The following PCCA variants were observed in gnomAD, a reference collection of about 807,000 sequenced individuals.
PCCA encodes propionyl-CoA carboxylase subunit alpha.
In PCCA, 74 loss-of-function variants were observed where a neutral mutation model predicts 101.3. The ratio of observed to expected loss-of-function variants is 0.73; its 90% CI spans 0.61 to 0.89. PCCA has a LOEUF of 0.89. PCCA is among the 40% of genes least tolerant of loss of function. PCCA has a pLI of 0.00. For missense variants in PCCA, 891 were observed against 907.0 expected (o/e 0.98, Z 0.23); for synonymous variants, 294 against 313.6 (o/e 0.94, Z 0.66).
intron 19 of PCCA, among the ~76,000 whole-genome samples, chr13:100,390,364 G>T (rs1176985641): frequency 6.6e-6 from 1 of 152,216 alleles, no homozygotes; most frequent in African/African-American, 2.4e-5. Context: ...GAAGGGATCT[G>T]TGAGATACAC....
At chr13:100,510,341 T>C (rs1398871892) in intron 21 of PCCA, among the ~76,000 whole-genome samples, 4 of 152,210 alleles carry the variant, frequency 2.6e-5, no homozygotes, top group African/African-American at 4.8e-5. Context: ...GCAAGCAGTT[T>C]AGAGGTAATG....
intron 19 of PCCA, among the ~76,000 whole-genome samples, chr13:100,414,462 T>C (rs2078231187): frequency 6.6e-6 from 1 of 152,228 alleles, no homozygotes; most frequent in South Asian, 2.1e-4. Flanking sequence ...TGTTACAGTT[T>C]ATACTAAAAC....
intron 16 of PCCA, among the ~76,000 whole-genome samples, chr13:100,314,915 A>C (rs1216492507): frequency 6.6e-6 from 1 of 152,194 alleles, no homozygotes. Flanking sequence ...GATTTGAATA[A>C]GGTCTGGAGA....
chr13:100,127,809 G>A (rs1200162036), intron 4 of PCCA, among the ~76,000 whole-genome samples: 4 of 152,130 alleles, frequency 2.6e-5, no homozygotes, highest in Middle Eastern at 3.2e-3. Context: ...GGAGAATGGC[G>A]TGAACCTGAG....
intron 12 of PCCA, among the ~76,000 whole-genome samples, chr13:100,280,745 G>A (rs1268189793): frequency 6.6e-6 from 1 of 152,042 alleles, no homozygotes; most frequent in Non-Finnish European, 1.5e-5. Context: ...ATATTAAATG[G>A]AAAACTTTAG....
intron 12 of PCCA, among the ~76,000 whole-genome samples, chr13:100,279,657 G>C (rs949219832): frequency 7.2e-5 from 11 of 152,012 alleles, no homozygotes; most frequent in Non-Finnish European, 1.2e-4. Flanking sequence ...TGTTTTTTTA[G>C]TAGAGATGGG....
At chr13:100,114,105 A>G (rs1304955424) in intron 4 of PCCA, among the ~76,000 whole-genome samples, 1 of 152,150 alleles carries the variant, frequency 6.6e-6, no homozygotes, top group African/African-American at 2.4e-5. Context: ...ATCAGTAGGC[A>G]TGGGATCACA....
At position 100,305,340 on chromosome 13, in the gene PCCA, A is replaced by G. The variant is rs546359120; in HGVS notation, c.1285-1852A>G. ...TCTGTAGGTAACACCTTATAGGATG[A>G]TATTATTCAAGGCAACTGAAGTTTT... is the stretch of plus-strand genomic sequence containing the variant. On this transcript the variant is annotated intron_variant, in intron 14 of 23. Coordinates refer to ENST00000376285, the MANE Select transcript of PCCA (RefSeq NM_000282.4). 2.6e-5 allele frequency among the ~76,000 whole-genome samples: 4 copies of G among 152,364 alleles called. No homozygotes were observed. In the East Asian group the frequency reaches 7.7e-4, roughly 29 times the overall value.
chr13:100,116,906 T>G (rs1391659266), intron 4 of PCCA, among the ~76,000 whole-genome samples: 2 of 152,216 alleles, frequency 1.3e-5, no homozygotes, highest in African/African-American at 4.8e-5. Context: ...AAACTATTGT[T>G]AGCTTGAGAG....
intron 8 of PCCA, among the ~76,000 whole-genome samples, chr13:100,239,793 G>A (rs1030090145): frequency 6.6e-6 from 1 of 152,118 alleles, no homozygotes; most frequent in Admixed American, 6.5e-5. Context: ...TCCTTTGCTT[G>A]TCTTTCTCAC....
chr13:100,347,411 G>A (rs1009239262), intron 18 of PCCA, among the ~76,000 whole-genome samples: 2 of 151,952 alleles, frequency 1.3e-5, no homozygotes, highest in Admixed American at 1.3e-4. Context: ...GGATATAGTT[G>A]GACTCTTACC....
intron 7 of PCCA, among the ~76,000 whole-genome samples, chr13:100,214,167 C>G (rs548540541): frequency 4.6e-5 from 7 of 152,088 alleles, no homozygotes; most frequent in African/African-American, 1.7e-4. Flanking sequence ...CAGTTTTGTT[C>G]ATTTTCCTCA....
intron 1 of PCCA, among the ~76,000 whole-genome samples, chr13:100,093,797 G>A (rs1462051363): frequency 6.6e-6 from 1 of 152,094 alleles, no homozygotes; most frequent in Non-Finnish European, 1.5e-5. Context: ...AAATTAGCTG[G>A]GTGTGGTGGC....
At chr13:100,466,195 T>C (rs995393925) in intron 21 of PCCA, 1 of 152,276 alleles carries the variant, frequency 6.6e-6, no homozygotes, top group Non-Finnish European at 1.5e-5. Flanking sequence ...AGCCCCGTAA[T>C]CCTGCTGGTG....
chr13:100,274,634 G>A (rs1286235113), intron 12 of PCCA, among the ~76,000 whole-genome samples: 1 of 152,144 alleles, frequency 6.6e-6, no homozygotes. Flanking sequence ...GGCTTTGGCA[G>A]CATAACTCTA....
intron 17 of PCCA, 80 bp from the exon 18 acceptor site, chr13:100,340,077 G>T: frequency 1.2e-6 from 1 of 827,298 alleles, no homozygotes. Context: ...TTGTTTGAAT[G>T]ACTAGTAATT....
chr13:100,119,673 C>A (rs2049172380), intron 4 of PCCA, among the ~76,000 whole-genome samples: 1 of 151,996 alleles, frequency 6.6e-6, no homozygotes, highest in Non-Finnish European at 1.5e-5. Flanking sequence ...ATTCCTCCCC[C>A]ACAACCTTTC....
chr13:100,286,743 A>G (rs2064700912), intron 12 of PCCA, among the ~76,000 whole-genome samples: 1 of 150,264 alleles, frequency 6.7e-6, no homozygotes, highest in East Asian at 1.9e-4. Context: ...AAGGGAGGAG[A>G]AACCTTTTTT....
intron 4 of PCCA, among the ~76,000 whole-genome samples, chr13:100,146,909 T>G (rs980366761): frequency 2.0e-5 from 3 of 151,616 alleles, no homozygotes; most frequent in Admixed American, 2.0e-4. Context: ...TACCTGCAAA[T>G]TGGAACCATG....
Sources: allele counts gnomAD v4.1 joint callset (sites outside exome capture counted in the v4.1 genomes callset), GRCh38; gene constraint gnomAD v4.1.1; transcripts MANE v1.5; gene names NCBI Gene and HGNC (gene_info 2026-07-23, HGNC 2026-07-21).